Variants in NRG1 observed in about 807,000 individuals in gnomAD.
NRG1 encodes the protein pro-neuregulin-1, membrane-bound isoform.
A neutral mutation model predicts 63.8 loss-of-function variants in NRG1; 18 were observed. That is an observed-to-expected ratio of 0.28 (90% CI 0.19 to 0.42). NRG1 has a LOEUF of 0.42. Among genes scored for constraint, NRG1 ranks in the 10% least tolerant of loss-of-function variants. The probability of loss-of-function intolerance (pLI) is 1.00; values close to 1 mark genes in which losing one functional copy is unlikely to be tolerated. For missense variants in NRG1, 762 were observed against 814.7 expected (o/e 0.94, Z 0.79); for synonymous variants, 302 against 301.3 (o/e 1.00, Z -0.02).
At chr8:32,692,458 AG>A (rs1279599140) in intron 5 of NRG1, among the ~76,000 whole-genome samples, 3 of 152,212 alleles carry the variant, frequency 2.0e-5, no homozygotes, top group African/African-American at 7.2e-5. Flanking sequence ...TGGCCCTGGA[AG>A]GCTGGCTTAG....
chr8:31,769,976 A>T (rs1818453187), intron 1 of NRG1, among the ~76,000 whole-genome samples: 1 of 152,182 alleles, frequency 6.6e-6, no homozygotes, highest in South Asian at 2.1e-4. Flanking sequence ...CATATTCAGG[A>T]GTACCGGGGA....
At chr8:31,858,153 G>T (rs1828106735) in intron 1 of NRG1, among the ~76,000 whole-genome samples, 1 of 152,072 alleles carries the variant, frequency 6.6e-6, no homozygotes, top group African/African-American at 2.4e-5. Context: ...TAAAAAATTA[G>T]TCGGGCATGG....
chr8:32,136,108 G>T (rs1835485833), intron 1 of NRG1, among the ~76,000 whole-genome samples: 1 of 152,122 alleles, frequency 6.6e-6, no homozygotes, highest in African/African-American at 2.4e-5. Flanking sequence ...TAACTCTCTT[G>T]GTTCAGGAGT....
intron 1 of NRG1, among the ~76,000 whole-genome samples, chr8:31,658,730 T>A (rs1805676894): frequency 6.6e-6 from 1 of 152,208 alleles, no homozygotes; most frequent in African/African-American, 2.4e-5. Flanking sequence ...CCCAAAGTGC[T>A]GAGATGACAG....
At chr8:32,045,360 G>T (rs371723063) in intron 1 of NRG1, among the ~76,000 whole-genome samples, 47 of 151,982 alleles carry the variant, frequency 3.1e-4, no homozygotes, top group African/African-American at 1.0e-3. Flanking sequence ...CATGTACCTT[G>T]TTCATGGATT....
intron 1 of NRG1, among the ~76,000 whole-genome samples, chr8:31,943,206 A>G (rs1712296614): frequency 1.3e-5 from 2 of 152,180 alleles, no homozygotes; most frequent in East Asian, 1.9e-4. Flanking sequence ...ACTTAGCCAT[A>G]AAAGCAACAA....
At chr8:31,821,011 T>A (rs2129603529) in intron 1 of NRG1, among the ~76,000 whole-genome samples, 1 of 152,316 alleles carries the variant, frequency 6.6e-6, no homozygotes, top group Admixed American at 6.5e-5. Flanking sequence ...AATGGCATAG[T>A]ATTTGCATGT....
intron 1 of NRG1, among the ~76,000 whole-genome samples, chr8:31,646,542 T>C (rs1804304941): frequency 1.3e-5 from 2 of 152,224 alleles, no homozygotes; most frequent in Admixed American, 6.5e-5. Context: ...CAAATGGTTG[T>C]CTTTTATCTG....
chr8:31,871,166 G>A (rs1384086722), intron 1 of NRG1, among the ~76,000 whole-genome samples: 1 of 151,952 alleles, frequency 6.6e-6, no homozygotes, highest in East Asian at 1.9e-4. Flanking sequence ...TAGTAGAGAT[G>A]GGGTTTCACC....
intron 1 of NRG1, among the ~76,000 whole-genome samples, chr8:32,589,849 G>A (rs987912189): frequency 2.6e-5 from 4 of 152,112 alleles, no homozygotes; most frequent in African/African-American, 9.7e-5. Context: ...AATTTATTTT[G>A]CCCTTACCAC....
chr8:31,986,711 C>T (rs749895452), intron 1 of NRG1, among the ~76,000 whole-genome samples: 9 of 152,034 alleles, frequency 5.9e-5, no homozygotes, highest in South Asian at 2.1e-4. Context: ...AAAGGAAGAA[C>T]GGCTGAAGTA....
At chr8:32,002,570 T>G (rs1813106984) in intron 1 of NRG1, among the ~76,000 whole-genome samples, 1 of 151,894 alleles carries the variant, frequency 6.6e-6, no homozygotes, top group South Asian at 2.1e-4. Flanking sequence ...GACATGATTC[T>G]CCAGGCTTAT....
At chr8:32,416,971 T>G (rs947783002) in intron 1 of NRG1, among the ~76,000 whole-genome samples, 2 of 152,152 alleles carry the variant, frequency 1.3e-5, no homozygotes, top group African/African-American at 4.8e-5. Context: ...AGGCATGAAG[T>G]CACTGTGCTT....
intron 1 of NRG1, among the ~76,000 whole-genome samples, chr8:31,888,853 C>T (rs898901986): frequency 2.6e-5 from 4 of 152,050 alleles, no homozygotes; most frequent in Non-Finnish European, 4.4e-5. Context: ...CTAACATATT[C>T]ATACCTCCTT....
intron 1 of NRG1, among the ~76,000 whole-genome samples, chr8:32,091,673 C>T (rs1300641420): frequency 6.6e-6 from 1 of 151,990 alleles, no homozygotes; most frequent in African/African-American, 2.4e-5. Flanking sequence ...AAGTCAAGTT[C>T]CCATTGGAGA....
chr8:32,259,640 C>A (rs1480543592), intron 1 of NRG1, among the ~76,000 whole-genome samples: 1 of 152,190 alleles, frequency 6.6e-6, no homozygotes, highest in African/African-American at 2.4e-5. Context: ...CATGTTACCC[C>A]TCAACATTGT....
intron 1 of NRG1, among the ~76,000 whole-genome samples, chr8:31,859,517 G>A (rs527957188): frequency 4.6e-5 from 7 of 152,208 alleles, no homozygotes; most frequent in Admixed American, 2.6e-4. Context: ...ATATTTGGCC[G>A]CTGAAGTGCT....
intron 1 of NRG1, among the ~76,000 whole-genome samples, chr8:32,453,492 T>C (rs949290972): frequency 6.6e-6 from 1 of 152,202 alleles, no homozygotes; most frequent in Non-Finnish European, 1.5e-5. Context: ...TTTCTTATTA[T>C]CGCAAATAAT....
rs182679356 is a variant in NRG1 at position 32,385,586 on chromosome 8, A to C, written c.38-210242A>C. Reference sequence around the variant, plus strand: ...CAAAGGAGGAGAAGGCACGTCTTACATGGTAGGAACAGAAGCAAGAAAGAG... The same window carrying C: ...CAAAGGAGGAGAAGGCACGTCTTACCTGGTAGGAACAGAAGCAAGAAAGAG... On this transcript the variant is annotated intron_variant, in intron 1 of 10. Coordinates refer to the NRG1 transcript ENST00000519301. Among the ~76,000 whole-genome samples the C allele has an allele frequency of 3.3e-5, 5 of 152,290 alleles. No individual in the cohort carries two copies. The East Asian group carries it at 9.7e-4, about 30-fold the overall frequency.
Sources: gnomAD v4.1 joint callset for allele counts (sites outside exome capture counted in the v4.1 genomes callset) on GRCh38, gnomAD v4.1.1 for gene constraint, MANE v1.5 for transcripts, NCBI Gene and HGNC (gene_info 2026-07-23, HGNC 2026-07-21) for gene names.